CSMD3: variants seen among roughly 807,000 people sequenced by gnomAD.
CSMD3 encodes CUB and sushi domain-containing protein 3.
A neutral mutation model predicts 435.2 loss-of-function variants in CSMD3; 177 were observed. That is an observed-to-expected ratio of 0.41 (90% CI 0.36 to 0.46). The LOEUF (loss-of-function observed/expected upper bound fraction) is 0.46. CSMD3 is among the 20% of genes least tolerant of loss of function. CSMD3 has a pLI of 0.34. For synonymous variants in CSMD3, 1,656 were observed against 1,520.5 expected, an observed-to-expected ratio of 1.09 and a Z score of -2.07; for missense variants, 4,265 against 4,504.6, an observed-to-expected ratio of 0.95 and a Z score of 1.52.
intron 11 of CSMD3, among the ~76,000 whole-genome samples, chr8:112,846,305 TC>T (rs2080318120): frequency 1.3e-5 from 2 of 149,824 alleles, no homozygotes; most frequent in Non-Finnish European, 3.0e-5. Flanking sequence ...CTTTCTCCTT[TC>T]CTTCCTTCCT....
chr8:112,940,706 T>C (rs1360242866), intron 9 of CSMD3, among the ~76,000 whole-genome samples: 2 of 151,716 alleles, frequency 1.3e-5, no homozygotes, highest in Non-Finnish European at 3.0e-5. Flanking sequence ...GTAACCAAAA[T>C]ATAACAAGTA....
rs28455757 is a variant in CSMD3, at chr8:113,302,300, A to T, written c.401+12271T>A. 3.7e-3 allele frequency among the ~76,000 whole-genome samples: 507 copies of T among 135,780 alleles called. 8 individuals are homozygous for T. Among genetic ancestry groups the T allele is most frequent in the African/African-American group, 0.013 (473 of 36,982 alleles). The allele number at this position is 135,780 out of a possible 152,430, so 89.1% of individuals were successfully genotyped here. A position where few individuals can be genotyped will look rare whatever the true frequency, so the allele number is the denominator to read the frequency against. ...TAATTATAATATATAATATAATATA[A>T]TATATATATTATATATATAATAATA... On this transcript the variant is annotated intron_variant, in intron 2 of 70. Coordinates refer to ENST00000297405, the MANE Select transcript of CSMD3 (RefSeq NM_198123.2).
intron 53 of CSMD3, among the ~76,000 whole-genome samples, chr8:112,301,445 T>C (rs551398382): frequency 6.6e-6 from 1 of 152,202 alleles, no homozygotes; most frequent in Non-Finnish European, 1.5e-5. Flanking sequence ...CTTAAGCAAA[T>C]AGGTGAAAAG....
intron 1 of CSMD3, among the ~76,000 whole-genome samples, chr8:113,399,106 T>TATATATATATACAC (rs773585004): frequency 3.3e-3 from 309 of 95,022 alleles, no homozygotes; most frequent in African/African-American, 3.9e-3. Context: ...TATATATATA[T>TATATATATATACAC]ACACACACAC....
chr8:112,588,308 A>C (rs1201830973), intron 22 of CSMD3, among the ~76,000 whole-genome samples: 2 of 151,894 alleles, frequency 1.3e-5, no homozygotes, highest in African/African-American at 4.8e-5. Flanking sequence ...ATTAACAAAA[A>C]TAAGGCAAAG....
At chr8:112,929,408 G>T (rs1587695664) in intron 9 of CSMD3, among the ~76,000 whole-genome samples, 2 of 151,788 alleles carry the variant, frequency 1.3e-5, no homozygotes, top group African/African-American at 2.4e-5. Context: ...AAGATTTCAA[G>T]ATTTTAAATT....
chr8:112,391,658 C>T (rs1171475986), intron 35 of CSMD3, among the ~76,000 whole-genome samples: 1 of 150,768 alleles, frequency 6.6e-6, no homozygotes, highest in African/African-American at 2.4e-5. Flanking sequence ...CGCCACTGCA[C>T]TCCAGCCTAG....
intron 6 of CSMD3, among the ~76,000 whole-genome samples, chr8:112,993,752 G>A (rs952306710): frequency 6.6e-6 from 1 of 151,686 alleles, no homozygotes; most frequent in African/African-American, 2.4e-5. Context: ...TTTGATACAA[G>A]TATATTTTTT....
intron 22 of CSMD3, among the ~76,000 whole-genome samples, chr8:112,601,700 G>A (rs1832364689): frequency 1.3e-5 from 2 of 152,000 alleles, no homozygotes; most frequent in Non-Finnish European, 2.9e-5. Flanking sequence ...GGGGAAAGAA[G>A]GCAATTCAAT....
At chr8:112,271,162 G>T (rs1817497342) in intron 59 of CSMD3, among the ~76,000 whole-genome samples, 1 of 151,988 alleles carries the variant, frequency 6.6e-6, no homozygotes, top group African/African-American at 2.4e-5. Context: ...CTCATCTCTT[G>T]TGAAACCTGC....
At chr8:112,688,927 T>C (rs1001084156) in intron 14 of CSMD3, among the ~76,000 whole-genome samples, 2 of 152,064 alleles carry the variant, frequency 1.3e-5, no homozygotes, top group African/African-American at 4.8e-5. Context: ...TGATGTGATA[T>C]ATTACACTAA....
At chr8:113,398,292 A>C (rs936359138) in intron 1 of CSMD3, among the ~76,000 whole-genome samples, 1 of 152,088 alleles carries the variant, frequency 6.6e-6, no homozygotes, top group Non-Finnish European at 1.5e-5. Context: ...AAAGCTATTT[A>C]ATGACGTACC....
In CSMD3 at chr8:112,718,143, T is replaced by C. The variant is rs11775003; in HGVS notation, c.1973-28093A>G. Among the ~76,000 whole-genome samples the C allele has an allele frequency of 6.4e-3, 977 of 152,246 alleles. 6 individuals are homozygous for C. The highest frequency in any genetic ancestry group is 0.011 in the Non-Finnish European group (741 of 68,018). On this transcript the variant is annotated intron_variant, in intron 13 of 70. Transcript: ENST00000297405. ...AGTAAGTACCACCATATTATTTCTT[T>C]GCATAATCCTCAGGCTCATGGTGGT...
chr8:112,947,597 G>C (rs1587734853), intron 9 of CSMD3, among the ~76,000 whole-genome samples, 193 bp downstream of exon 9: 1 of 151,480 alleles, frequency 6.6e-6, no homozygotes, highest in Admixed American at 6.6e-5. Flanking sequence ...TAAAAAAAAA[G>C]TGTTCTAATA....
intron 13 of CSMD3, among the ~76,000 whole-genome samples, chr8:112,797,084 T>C (rs917329278): frequency 3.7e-4 from 56 of 151,978 alleles, no homozygotes; most frequent in African/African-American, 1.4e-3. Context: ...GAAAAAAGCA[T>C]TCATAGTTCC....
rs2093720451 is a variant in CSMD3, at chr8:113,296,246, T to C, written c.402-17542A>G. 2.0e-5 allele frequency among the ~76,000 whole-genome samples: 3 copies of C among 151,212 alleles called. No individual in the cohort carries two copies. The South Asian group carries it at 6.3e-4, about 32-fold the overall frequency. On this transcript the variant is annotated intron_variant, in intron 2 of 70. Coordinates refer to ENST00000297405, the MANE Select transcript of CSMD3 (RefSeq NM_198123.2). ...CACCAACATGGCACATGTATACATA[T>C]GTAACAAACCTGCATATTGTGCACA...
At chr8:112,986,375 A>G (rs1339432721) in intron 6 of CSMD3, among the ~76,000 whole-genome samples, 1 of 152,136 alleles carries the variant, frequency 6.6e-6, no homozygotes, top group African/African-American at 2.4e-5. Context: ...CTTTCAATGT[A>G]GGTATTATTT....
chr8:113,038,064 C>T (rs1662114867), intron 5 of CSMD3, among the ~76,000 whole-genome samples: 1 of 151,998 alleles, frequency 6.6e-6, no homozygotes, highest in Admixed American at 6.6e-5. Context: ...CAAAAGGAAG[C>T]CAGAGGGCAA....
chr8:112,286,505 TC>T (rs1437912468), intron 58 of CSMD3, among the ~76,000 whole-genome samples: 3 of 151,272 alleles, frequency 2.0e-5, no homozygotes, highest in African/African-American at 7.4e-5. Context: ...GATCAAAAGA[TC>T]ACAAGAAGAA....
Sources: gnomAD v4.1 joint callset for allele counts (sites outside exome capture counted in the v4.1 genomes callset) on GRCh38, gnomAD v4.1.1 for gene constraint, MANE v1.5 for transcripts, NCBI Gene and HGNC (gene_info 2026-07-23, HGNC 2026-07-21) for gene names.